The following ADGRF4 variants were observed in gnomAD, a reference collection of about 807,000 sequenced individuals.
The protein encoded by ADGRF4 is G-protein coupled receptor PGR18.
In ADGRF4, 63 loss-of-function variants were observed where a neutral mutation model predicts 58.5. That is an observed-to-expected ratio of 1.08 (90% confidence interval 0.88 to 1.33). The LOEUF (loss-of-function observed/expected upper bound fraction) is 1.33. Among genes scored for constraint, ADGRF4 ranks in the 40% most tolerant of loss-of-function variants. ADGRF4 has a pLI of 0.00. For missense variants in ADGRF4, 931 were observed against 843.9 expected (o/e 1.10, Z -1.28); for synonymous variants, 313 against 295.4 (o/e 1.06, Z -0.61).
chr6:47,710,924 C>A (rs770011291), intron 4 of ADGRF4, 38 bp downstream of exon 4: 3 of 1,582,162 alleles, frequency 1.9e-6, no homozygotes, highest in South Asian at 2.3e-5. Flanking sequence ...AGAAGCCAAT[C>A]CCCCAGCAGA....
intron 1 of ADGRF4, among the ~76,000 whole-genome samples, chr6:47,703,219 A>T (rs1771628622): frequency 6.6e-6 from 1 of 152,018 alleles, no homozygotes; most frequent in Admixed American, 6.6e-5. Flanking sequence ...AGATCTAAGG[A>T]TGTGTGTTTC....
rs113667856 is a variant in ADGRF4, at chr6:47,716,936, T to C, written c.1974+89T>C. The C allele has an allele frequency of 1.5e-5, 13 of 867,122 alleles. No individual in the cohort carries two copies. The African/African-American group carries it at 1.7e-4, about 11-fold the overall frequency. 53.7% of individuals were successfully genotyped at this position (867,122 alleles called of 1,614,324 possible). On this transcript the variant is annotated intron_variant, in intron 7 of 9. Transcript: ENST00000283303. The stretch of plus-strand genomic sequence containing the variant: ...AAGCAGTTTTGATTGGAGAGCATAC[T>C]CCAGGGGAGTTGAGTTTGTGAGGAT...
chr6:47,710,689 C>T (rs911009753), intron 3 of ADGRF4, 46 bp from the exon 4 acceptor site: 3 of 1,532,558 alleles, frequency 2.0e-6, no homozygotes, highest in Middle Eastern at 1.7e-4. Context: ...TGTGGAAATC[C>T]TAATTGGGCT....
At position 47,709,104 on chromosome 6, in the gene ADGRF4, T is replaced by G. The variant is rs111448206; in HGVS notation, c.148+826T>G. ...AGGTTTGGCAAAGCTTGGTTCCTTT[T>G]CCAGTGAATTCAGTCATCACAGAGC... is the stretch of plus-strand genomic sequence containing the variant. On this transcript the variant is annotated intron_variant, in intron 3 of 9. Coordinates refer to ENST00000283303, the MANE Select transcript of ADGRF4 (RefSeq NM_153838.5). Among the ~76,000 whole-genome samples the G allele has an allele frequency of 4.6e-3, 692 of 151,036 alleles. 4 individuals carry two copies. Among genetic ancestry groups the G allele is most frequent in the African/African-American group, 0.016 (629 of 40,442 alleles).
At position 47,716,741 on chromosome 6, in the gene ADGRF4, G is replaced by A. The variant is rs79996387; in HGVS notation, c.1933-65G>A. ...TAGGAGGTATCTAGAAGAGCGGTATGAAAATAACAGCAGGAATATTTTTTG... is the reference window on the plus strand; with the variant it reads ...TAGGAGGTATCTAGAAGAGCGGTATAAAAATAACAGCAGGAATATTTTTTG... On this transcript the variant is annotated intron_variant, in intron 6 of 9. Coordinates refer to ENST00000283303, the MANE Select transcript of ADGRF4 (RefSeq NM_153838.5). The A allele has an allele frequency of 3.0e-4, 368 of 1,235,592 alleles. No homozygotes were observed. In the African/African-American group the frequency reaches 4.6e-3, roughly 15 times the overall value. The allele number at this position is 1,235,592 out of a possible 1,614,324, so 76.5% of individuals were successfully genotyped here.
intron 1 of ADGRF4, among the ~76,000 whole-genome samples, chr6:47,705,990 T>A (rs1234501955): frequency 6.6e-6 from 1 of 152,252 alleles, no homozygotes; most frequent in African/African-American, 2.4e-5. Flanking sequence ...TGACACTTGG[T>A]AAATGTTGGT....
At position 47,710,750 on chromosome 6, in the gene ADGRF4, C is replaced by A; in HGVS notation, c.164C>A (p.Pro55His). 6.2e-7 allele frequency: 1 copy of A among 1,605,242 alleles called. No homozygotes were observed. The highest frequency in any genetic ancestry group is 8.5e-7 in the Non-Finnish European group (1 of 1,177,138). Residue 55 changes from proline (P) to histidine (H), a missense_variant, in exon 4 of 10, where the codon CCT becomes CAT. Physicochemically the swap from Pro to His is moderately conservative, Grantham distance 77. Transcript: ENST00000283303. ...TGRIQEKCEG[P>H]CISSSNCSQP... ...TTCTTTATAGAGAAATGCGAAGGAC[C>A]TTGTATTTCTTCTTCCAACTGCAGC...
At position 47,714,819 on chromosome 6, in the gene ADGRF4, G is replaced by T. The variant is rs1771968488; in HGVS notation, c.1574G>T (p.Cys525Phe). Reference sequence around the variant, plus strand: ...ATTGGCTTTGCCATTGGCTATGGGTGCCCATTGATCATTGCTGTCACTACA... The same window carrying T: ...ATTGGCTTTGCCATTGGCTATGGGTTCCCATTGATCATTGCTGTCACTACA... ...MVIGFAIGYG[C>F]PLIIAVTTVA... is the part of the protein sequence containing the mutation. Residue 525 changes from cysteine (C) to phenylalanine (F), a missense_variant, in exon 6 of 10, where the codon TGC becomes TTC. Coordinates refer to ENST00000283303, the MANE Select transcript of ADGRF4 (RefSeq NM_153838.5). 3 of 1,613,176 alleles carry T rather than the reference G, an allele frequency of 1.9e-6. No homozygotes were observed. The African/African-American group carries it at 4.0e-5, about 22-fold the overall frequency.
Position 47,709,267 on chromosome 6 carries a change from C to T in ADGRF4, c.148+989C>T, listed in dbSNP as rs542674031. Reference sequence around the variant, plus strand: ...TAACCTGAGAATATTTCAACAGCCTCGTTCTTCCTATCTGAAGTGCATGCA... The same window carrying T: ...TAACCTGAGAATATTTCAACAGCCTTGTTCTTCCTATCTGAAGTGCATGCA... On this transcript the variant is annotated intron_variant, in intron 3 of 9. Coordinates refer to ENST00000283303, the MANE Select transcript of ADGRF4 (RefSeq NM_153838.5). Among the ~76,000 whole-genome samples the T allele has an allele frequency of 1.9e-4, 29 of 152,352 alleles. No individual in the cohort carries two copies. In the South Asian group the frequency reaches 5.0e-3, roughly 26 times the overall value.
chr6:47,703,345 T>C (rs1771632634), intron 1 of ADGRF4, among the ~76,000 whole-genome samples: 2 of 152,258 alleles, frequency 1.3e-5, no homozygotes, highest in African/African-American at 4.8e-5. Context: ...AGCTCTTCTC[T>C]GCAGAGGACT....
chr6:47,709,223 T>A (rs77881336), intron 3 of ADGRF4, among the ~76,000 whole-genome samples: 2,612 of 152,326 alleles, frequency 0.017, 64 homozygotes, highest in African/African-American at 0.058. Context: ...TTACTTTCCA[T>A]TTTCCCCAGC....
chr6:47,703,865 C>T (rs1348908904), intron 1 of ADGRF4, among the ~76,000 whole-genome samples: 1 of 152,190 alleles, frequency 6.6e-6, no homozygotes, highest in Non-Finnish European at 1.5e-5. Flanking sequence ...TGAACACGTT[C>T]AGGAGCTGTG....
Position 47,714,070 on chromosome 6 carries a change from T to A in ADGRF4, c.825T>A (p.Ile275=), listed in dbSNP as rs1238754779. Residue 275 remains isoleucine, a synonymous_variant, in exon 6 of 10, where the codon ATT becomes ATA. Coordinates refer to ENST00000283303, the MANE Select transcript of ADGRF4 (RefSeq NM_153838.5). ...AAGATATCTTAGGAATGGTACAGAT[T>A]CCCAGGCAAGAGCTAAGGAAGCTGT... ...TTEDILGMVQ[I]PRQELRKLWP... 2 of 1,613,886 alleles carry A rather than the reference T, an allele frequency of 1.2e-6. No homozygotes were observed. Among genetic ancestry groups the A allele is most frequent in the Non-Finnish European group, 1.7e-6 (2 of 1,180,014 alleles).
chr6:47,718,481 C>T (rs373765111), intron 9 of ADGRF4, 36 bp downstream of exon 9: 2 of 1,190,538 alleles, frequency 1.7e-6, no homozygotes, highest in South Asian at 1.2e-5. Context: ...ATTTCACTTG[C>T]AATTTGTGTC....
Position 47,713,813 on chromosome 6 carries a change from G to A in ADGRF4, c.568G>A (p.Ala190Thr). ...TCCATTGCAGAGCTATAGTGAAGTGGCCAACCACATCCTCGACACAGCAGC... is the reference window on the plus strand; with the variant it reads ...TCCATTGCAGAGCTATAGTGAAGTGACCAACCACATCCTCGACACAGCAGC... The part of the protein sequence containing the change: ...REKMKSYSEV[A>T]NHILDTAAIS... Residue 190 changes from alanine (A) to threonine (T), a missense_variant, in exon 6 of 10, where the codon GCC becomes ACC. Transcript: ENST00000283303. 1 of 1,552,910 alleles carries A rather than the reference G, an allele frequency of 6.4e-7. No homozygotes were observed. Among genetic ancestry groups the A allele is most frequent in the Non-Finnish European group, 8.7e-7 (1 of 1,151,356 alleles).
chr6:47,715,455 A>G (rs186160003), intron 6 of ADGRF4: 26 of 308,164 alleles, frequency 8.4e-5, no homozygotes, highest in Non-Finnish European at 6.0e-6. Context: ...ATAGAGGACT[A>G]TTCTTTGGTC....
chr6:47,718,344 A>G, intron 8 of ADGRF4, 45 bp from the exon 9 acceptor site: 1 of 1,001,626 alleles, frequency 1.0e-6, no homozygotes, highest in East Asian at 2.4e-5. Flanking sequence ...ACATTTTGTC[A>G]ATATAATTAC....
Position 47,717,307 on chromosome 6 carries a change from A to G in ADGRF4, c.1990A>G (p.Arg664Gly), listed in dbSNP as rs1314414296. 1.2e-6 allele frequency: 2 copies of G among 1,610,706 alleles called. No homozygotes were observed. Among genetic ancestry groups the G allele is most frequent in the African/African-American group, 1.3e-5 (1 of 74,956 alleles). Residue 664 changes from arginine (R) to glycine (G), a missense_variant, in exon 8 of 10, where the codon AGG becomes GGG. Physicochemically the swap from Arg to Gly is moderately radical, Grantham distance 125. Coordinates refer to ENST00000283303, the MANE Select transcript of ADGRF4 (RefSeq NM_153838.5). ...IMDHKIRDAL[R>G]MRMSSLKGKS... ...GCTTCTTTAGATAAGAGATGCTTTG[A>G]GGATGAGGATGTCTTCACTGAAGGG...
intron 8 of ADGRF4, among the ~76,000 whole-genome samples, chr6:47,717,857 G>C (rs1229576830): frequency 6.6e-6 from 1 of 152,170 alleles, no homozygotes; most frequent in Non-Finnish European, 1.5e-5. Flanking sequence ...TCTTGGATTG[G>C]AGTATCTATG....
Sources: allele counts gnomAD v4.1 joint callset (sites outside exome capture counted in the v4.1 genomes callset), GRCh38; gene constraint gnomAD v4.1.1; transcripts MANE v1.5; gene names NCBI Gene and HGNC (gene_info 2026-07-23, HGNC 2026-07-21).